COL4A5: variants seen among roughly 807,000 people sequenced by gnomAD.
COL4A5 encodes collagen alpha-5(IV) chain.
In COL4A5, 26 loss-of-function variants were observed where a neutral mutation model predicts 130.2. The ratio of observed to expected loss-of-function variants is 0.20; its 90% CI spans 0.15 to 0.28. COL4A5 has a LOEUF of 0.28. COL4A5 is among the 10% of genes least tolerant of loss of function. The probability of loss-of-function intolerance (pLI) is 1.00; values close to 1 mark genes in which losing one functional copy is unlikely to be tolerated. For missense variants in COL4A5, 1,131 were observed against 1,344.3 expected (o/e 0.84, Z 2.48); for synonymous variants, 496 against 439.6 (o/e 1.13, Z -1.60).
chrX:108,601,358 C>T, intron 25 of COL4A5, 35 bp from the exon 26 acceptor site: 1 of 972,747 alleles, frequency 1.0e-6, no homozygotes. Flanking sequence ...TGAGTAAATA[C>T]TTCTCATTTA....
chrX:108,491,975 C>A (rs190458587), intron 1 of COL4A5, among the ~76,000 whole-genome samples: 7 of 111,698 alleles, frequency 6.3e-5, no homozygotes, highest in African/African-American at 2.3e-4. Flanking sequence ...AAACAGTAAA[C>A]TAGCTAAAAA....
intron 1 of COL4A5, among the ~76,000 whole-genome samples, chrX:108,536,355 T>C (rs766892128): frequency 1.8e-5 from 2 of 110,396 alleles, no homozygotes; most frequent in African/African-American, 3.3e-5. Flanking sequence ...ATTTTAATTA[T>C]TGTAGTGTTG....
chrX:108,576,870 T>A (rs1421143750), intron 10 of COL4A5, among the ~76,000 whole-genome samples: 2 of 112,096 alleles, frequency 1.8e-5, no homozygotes, highest in Non-Finnish European at 3.8e-5. Flanking sequence ...CCCTTTTGTT[T>A]GTTTTAGTTG....
Position 108,692,731 on chromosome X carries a change from T to G in COL4A5, c.4529-17T>G. 1 of 1,208,799 alleles carries G rather than the reference T, an allele frequency of 8.3e-7. No individual in the cohort carries two copies. The highest frequency in any genetic ancestry group is 1.7e-5 in the African/African-American group (1 of 57,744). Reference sequence around the variant, plus strand: ...TATCACGCAGTCCTTTACTGTTTTCTCTCCAAATCTTTCTAGGGACGGCTG... The same window carrying G: ...TATCACGCAGTCCTTTACTGTTTTCGCTCCAAATCTTTCTAGGGACGGCTG... On this transcript the variant is annotated splice_polypyrimidine_tract_variant and intron_variant, in intron 49 of 52. Transcript: ENST00000328300.
intron 36 of COL4A5, chrX:108,627,088 AT>A: frequency 1.5e-6 from 1 of 651,041 alleles, no homozygotes; most frequent in African/African-American, 2.4e-5. Flanking sequence ...AAAATACTTT[AT>A]TTTGATCATC....
At position 108,652,697 on chromosome X, in the gene COL4A5, A is replaced by G. The variant is rs770723244; in HGVS notation, c.3247-2634A>G. On this transcript the variant is annotated intron_variant, in intron 36 of 52. Coordinates refer to ENST00000328300, the MANE Select transcript of COL4A5 (RefSeq NM_033380.3). ...AGTAGAGATTGGCTATGATCCAAATACCATTACATTACAATTTGAATCTTA... is the reference window on the plus strand; with the variant it reads ...AGTAGAGATTGGCTATGATCCAAATGCCATTACATTACAATTTGAATCTTA... Among the ~76,000 whole-genome samples, 37 of 112,352 alleles carry G rather than the reference A, an allele frequency of 3.3e-4. 1 individual carries two copies. Among genetic ancestry groups the G allele is most frequent in the African/African-American group, 1.2e-3 (36 of 30,970 alleles).
intron 36 of COL4A5, among the ~76,000 whole-genome samples, chrX:108,635,244 G>T (rs149033883): frequency 9.0e-6 from 1 of 110,520 alleles, no homozygotes; most frequent in East Asian, 2.9e-4. Context: ...CCTACTTTTT[G>T]TAGTTATTGT....
At chrX:108,477,780 C>T (rs993991271) in intron 1 of COL4A5, among the ~76,000 whole-genome samples, 1 of 99,862 alleles carries the variant, frequency 1.0e-5, no homozygotes, top group Non-Finnish European at 2.0e-5. Context: ...CGCGCCACTG[C>T]ACTCCAGCCT....
intron 37 of COL4A5, among the ~76,000 whole-genome samples, chrX:108,662,414 A>G (rs2067978908): frequency 9.0e-6 from 1 of 111,379 alleles, no homozygotes; most frequent in South Asian, 3.8e-4. Flanking sequence ...ATTGAGTTAC[A>G]TAGTAGACAG....
chrX:108,518,870 C>T (rs753006422), intron 1 of COL4A5, among the ~76,000 whole-genome samples: 24 of 111,077 alleles, frequency 2.2e-4, no homozygotes, highest in African/African-American at 6.8e-4. Context: ...ACACTTATGA[C>T]AGCGAGAAGA....
At chrX:108,671,112 G>C (rs1261540973) in intron 42 of COL4A5, among the ~76,000 whole-genome samples, 1 of 111,132 alleles carries the variant, frequency 9.0e-6, no homozygotes, top group Non-Finnish European at 1.9e-5. Context: ...TGTGTAAACA[G>C]TACACACCAA....
intron 29 of COL4A5, among the ~76,000 whole-genome samples, chrX:108,607,784 C>A (rs777673635): frequency 9.0e-6 from 1 of 111,533 alleles, no homozygotes; most frequent in East Asian, 2.8e-4. Context: ...TAAATACCAG[C>A]CAAGAATTTG....
At chrX:108,540,591 T>C (rs112390200) in intron 2 of COL4A5, among the ~76,000 whole-genome samples, 11,476 of 110,662 alleles carry the variant, frequency 0.1, 1,302 homozygotes, top group African/African-American at 0.34. Flanking sequence ...GCTGGGATTG[T>C]AGGCATGCAC....
At chrX:108,686,179 A>G (rs2068542281) in intron 48 of COL4A5, 50 bp downstream of exon 48, 1 of 1,007,633 alleles carries the variant, frequency 9.9e-7, no homozygotes, top group African/African-American at 1.9e-5. Flanking sequence ...TTTGAGTCTG[A>G]GAGACCTCTG....
At chrX:108,597,114 C>T (rs1465312682) in intron 23 of COL4A5, 46 bp downstream of exon 23, 2 of 1,009,591 alleles carry the variant, frequency 2.0e-6, no homozygotes, top group East Asian at 6.4e-5. Flanking sequence ...AGAAGGAAGG[C>T]ATTTTACACA....
chrX:108,492,440 C>G (rs1408249343), intron 1 of COL4A5, among the ~76,000 whole-genome samples: 1 of 111,910 alleles, frequency 8.9e-6, no homozygotes, highest in Non-Finnish European at 1.9e-5. Context: ...GGAAGAGAAT[C>G]TGATTTTCAG....
intron 1 of COL4A5, among the ~76,000 whole-genome samples, chrX:108,475,762 G>A (rs990656251): frequency 5.4e-5 from 6 of 111,077 alleles, no homozygotes; most frequent in African/African-American, 9.8e-5. Context: ...TCAATTGATC[G>A]CAAAAACTGA....
intron 36 of COL4A5, among the ~76,000 whole-genome samples, chrX:108,638,033 A>C (rs1053320303): frequency 1.8e-5 from 2 of 110,755 alleles, no homozygotes; most frequent in Non-Finnish European, 3.8e-5. Context: ...TCTTCCAAAA[A>C]AATTGAAGAG....
chrX:108,647,170 G>A (rs1466032706), intron 36 of COL4A5, among the ~76,000 whole-genome samples: 2 of 110,596 alleles, frequency 1.8e-5, no homozygotes, highest in African/African-American at 3.3e-5. Flanking sequence ...ATTACCTTGG[G>A]CAGTATGGCC....
Sources: gnomAD v4.1 joint callset for allele counts (sites outside exome capture counted in the v4.1 genomes callset) on GRCh38, gnomAD v4.1.1 for gene constraint, MANE v1.5 for transcripts, NCBI Gene and HGNC (gene_info 2026-07-23, HGNC 2026-07-21) for gene names.